Variants in DDX46 observed in about 807,000 individuals in gnomAD.
DDX46 encodes the protein probable ATP-dependent RNA helicase DDX46.
Under a neutral mutation model 134.9 loss-of-function variants are expected in DDX46, and 30 were observed. That is an observed-to-expected ratio of 0.22 (90% CI 0.17 to 0.30). The LOEUF (loss-of-function observed/expected upper bound fraction) is 0.30. Ranked by LOEUF, DDX46 falls within the 10% of genes least tolerant of loss-of-function variation. The pLI is 1.00. For missense variants in DDX46, 622 were observed against 1,248.7 expected (o/e 0.50, Z 7.56); for synonymous variants, 415 against 404.1 (o/e 1.03, Z -0.32).
chr5:134,804,764 A>T (rs985244468), intron 15 of DDX46: 4 of 317,832 alleles, frequency 1.3e-5, no homozygotes, highest in African/African-American at 4.4e-5. Flanking sequence ...TTATTCAAAA[A>T]TAATTTTTAA....
At chr5:134,780,094 ATATATG>A (rs1429759302) in intron 6 of DDX46, among the ~76,000 whole-genome samples, 2 of 124,324 alleles carry the variant, frequency 1.6e-5, no homozygotes, top group African/African-American at 3.6e-5. Context: ...TCTGAAAAAA[ATATATG>A]TGTGTGTGTG....
At chr5:134,824,536 G>A (rs1157963316) in intron 21 of DDX46, among the ~76,000 whole-genome samples, 1 of 151,966 alleles carries the variant, frequency 6.6e-6, no homozygotes, top group Non-Finnish European at 1.5e-5. Flanking sequence ...CTGAGATGGC[G>A]CCACTGCACT....
At chr5:134,798,185 TTG>T (rs1754725671) in intron 15 of DDX46, among the ~76,000 whole-genome samples, 2 of 147,668 alleles carry the variant, frequency 1.4e-5, no homozygotes, top group Non-Finnish European at 3.0e-5. Flanking sequence ...TTTTTTTTTT[TTG>T]TTGTTGTTTG....
At chr5:134,787,822 C>T (rs1406051408) in intron 11 of DDX46, among the ~76,000 whole-genome samples, 2 of 143,212 alleles carry the variant, frequency 1.4e-5, no homozygotes, top group Admixed American at 1.4e-4. Flanking sequence ...CCAGCCTGGG[C>T]AATGTAGTGA....
chr5:134,780,380 C>T (rs1754108605), intron 6 of DDX46, among the ~76,000 whole-genome samples: 1 of 150,420 alleles, frequency 6.6e-6, no homozygotes. Context: ...AGCCTGCCAA[C>T]ATGATGAAAC....
At chr5:134,790,619 A>G (rs1580796513) in intron 13 of DDX46, 67 bp downstream of exon 13, 4 of 1,379,910 alleles carry the variant, frequency 2.9e-6, no homozygotes, top group Non-Finnish European at 4.1e-6. Context: ...TGAGAATGAA[A>G]TGTTCATGTG....
At chr5:134,768,109 ATT>A (rs34340470) in intron 3 of DDX46, among the ~76,000 whole-genome samples, 21 of 141,726 alleles carry the variant, frequency 1.5e-4, no homozygotes, top group Admixed American at 2.1e-4. Flanking sequence ...ATAAGTGAAG[ATT>A]TTTTTTTTTT....
At chr5:134,775,593 A>G (rs1413452494) in intron 5 of DDX46, among the ~76,000 whole-genome samples, 2 of 152,056 alleles carry the variant, frequency 1.3e-5, no homozygotes, top group Non-Finnish European at 2.9e-5. Context: ...TTGTATTTTT[A>G]GTAGAGACGA....
chr5:134,799,907 A>T (rs1754776427), intron 15 of DDX46, among the ~76,000 whole-genome samples: 1 of 152,000 alleles, frequency 6.6e-6, no homozygotes, highest in Admixed American at 6.6e-5. Context: ...AAATCTAAGA[A>T]ATTTCCCTCA....
chr5:134,772,808 T>C (rs921617299), intron 4 of DDX46, among the ~76,000 whole-genome samples: 1 of 152,154 alleles, frequency 6.6e-6, no homozygotes, highest in Admixed American at 6.6e-5. Flanking sequence ...ATCTGGCCTA[T>C]TCATTTTTTT....
At chr5:134,761,344 G>C (rs976894687) in intron 1 of DDX46, among the ~76,000 whole-genome samples, 1 of 152,060 alleles carries the variant, frequency 6.6e-6, no homozygotes, top group Admixed American at 6.6e-5. Context: ...TTTATTTATT[G>C]TATCGAATGA....
In DDX46 at chr5:134,828,796, T is replaced by C. The variant is rs1755658539; in HGVS notation, c.*90T>C. ...TTTACAATGTATTGTAAATGAAGAT[T>C]TTTTAAATTCTATCTTGCTGATTTT... On this transcript the variant is annotated 3_prime_UTR_variant, in exon 23 of 23. Transcript: ENST00000452510. The C allele has an allele frequency of 2.0e-6, 2 of 1,006,966 alleles. No homozygotes were observed. The highest frequency in any genetic ancestry group is 2.7e-6 in the Non-Finnish European group (2 of 741,504). 62.4% of individuals were successfully genotyped at this position (1,006,966 alleles called of 1,614,324 possible). A position where few individuals can be genotyped will look rare whatever the true frequency, so the allele number is the denominator to read the frequency against.
In DDX46 at chr5:134,788,587, C is replaced by T; in HGVS notation, c.1539C>T (p.Asn513=). The change falls in exon 12 of 23, where the codon AAC becomes AAT. Residue 513 remains asparagine (N), a synonymous_variant. Coordinates refer to ENST00000452510, the MANE Select transcript of DDX46 (RefSeq NM_001300860.2). ...PGRMIDMLAA[N]SGRVTNLRRV... is the part of the protein sequence containing the mutation. ...GAATGATTGACATGTTAGCCGCTAACAGTGGTAAGTCAGGGGTATTTTTTT... is the reference window on the plus strand; with the variant it reads ...GAATGATTGACATGTTAGCCGCTAATAGTGGTAAGTCAGGGGTATTTTTTT... The T allele has an allele frequency of 6.2e-7, 1 of 1,613,800 alleles. No homozygotes were observed. Among genetic ancestry groups the T allele is most frequent in the Non-Finnish European group, 8.5e-7 (1 of 1,179,848 alleles).
chr5:134,817,504 G>A lies in DDX46; in HGVS notation c.2622G>A (p.Met874Ile). The change falls in exon 20 of 23, where the codon ATG (methionine) becomes ATA (isoleucine). Residue 874 changes from methionine (M) to isoleucine (I), a missense_variant. By Grantham distance (10) the Met-to-Ile change is conservative. Transcript: ENST00000452510. ...GTCTTCTTTAACTACAGGATGTGAT[G>A]CAGCAGGCCACCAATGCAATTCTTA... is the stretch of plus-strand genomic sequence containing the variant. ...NLGIESQVDVMQQATNAILRG... is the reference protein window; with the variant it reads ...NLGIESQVDVIQQATNAILRG... 6.2e-7 allele frequency: 1 copy of A among 1,613,756 alleles called. No individual in the cohort carries two copies. The highest frequency in any genetic ancestry group is 8.5e-7 in the Non-Finnish European group (1 of 1,179,862).
At chr5:134,761,979 G>C (rs1341574988) in intron 1 of DDX46, among the ~76,000 whole-genome samples, 1 of 152,022 alleles carries the variant, frequency 6.6e-6, no homozygotes, top group Non-Finnish European at 1.5e-5. Flanking sequence ...CATTAGGCCA[G>C]GTGCAGTGGC....
At chr5:134,821,172 G>C (rs371214403) in intron 21 of DDX46, among the ~76,000 whole-genome samples, 1 of 151,728 alleles carries the variant, frequency 6.6e-6, no homozygotes, top group African/African-American at 2.4e-5. Flanking sequence ...CAAGCAGCTG[G>C]GACTACAGGC....
intron 15 of DDX46, 87 bp downstream of exon 15, chr5:134,796,237 C>T (rs1754650192): frequency 1.4e-6 from 2 of 1,425,204 alleles, no homozygotes; most frequent in Non-Finnish European, 9.5e-7. Context: ...TTACTTTGTT[C>T]TCTATAATTC....
chr5:134,800,219 G>C (rs1754786162), intron 15 of DDX46, among the ~76,000 whole-genome samples: 1 of 152,208 alleles, frequency 6.6e-6, no homozygotes, highest in East Asian at 1.9e-4. Context: ...AAGTGCTGGG[G>C]TTACAGGCGT....
In DDX46 at chr5:134,794,928, G is replaced by T; in HGVS notation, c.1705G>T (p.Ala569Ser). Residue 569 changes from alanine to serine, a missense_variant, in exon 14 of 23, where the codon GCT (alanine) becomes TCT (serine). Ala to Ser is a moderately conservative substitution (Grantham distance 99, BLOSUM62 1). Around this residue, in one of 8 missense-constraint regions of DDX46, gnomAD observed 209 missense variants for 508.4 expected, o/e 0.41. Coordinates refer to ENST00000452510, the MANE Select transcript of DDX46 (RefSeq NM_001300860.2). Reference sequence around the variant, plus strand: ...AGCTACTTTCCCCAGAGCTATGGAGGCTTTGGCTCGCAGGATCCTCAGTAA... The same window carrying T: ...AGCTACTTTCCCCAGAGCTATGGAGTCTTTGGCTCGCAGGATCCTCAGTAA... ...FSATFPRAME[A>S]LARRILSKPI... 6.2e-7 allele frequency: 1 copy of T among 1,614,184 alleles called. No homozygotes were observed. The highest frequency in any genetic ancestry group is 8.5e-7 in the Non-Finnish European group (1 of 1,180,026).
Sources: allele counts gnomAD v4.1 joint callset (sites outside exome capture counted in the v4.1 genomes callset), GRCh38; gene constraint gnomAD v4.1.1; regional missense constraint gnomAD v4.1.1; transcripts MANE v1.5; gene names NCBI Gene and HGNC (gene_info 2026-07-23, HGNC 2026-07-21).